ROR2: variants seen among roughly 807,000 people sequenced by gnomAD.
ROR2 encodes ROR family WNT receptor 2.
ROR2 carries 33 observed loss-of-function variants against 74.9 expected under a neutral mutation model. That is an observed-to-expected ratio of 0.44 (90% CI 0.33 to 0.59). ROR2 has a LOEUF of 0.59. ROR2 is among the 20% of genes least tolerant of loss of function. The pLI, the probability that ROR2 is intolerant of heterozygous loss-of-function variation, is 0.02. For synonymous variants in ROR2, 586 were observed against 558.7 expected (o/e 1.05, Z -0.69); for missense variants, 1,216 against 1,313.8 (o/e 0.93, Z 1.15).
intron 1 of ROR2, among the ~76,000 whole-genome samples, chr9:91,823,398 C>T (rs188940931): frequency 4.3e-4 from 65 of 150,512 alleles, no homozygotes; most frequent in Non-Finnish European, 6.5e-4. Flanking sequence ...GACATGATCT[C>T]GGCCCACTGC....
At chr9:91,800,399 T>C (rs7029814) in intron 1 of ROR2, among the ~76,000 whole-genome samples, 76,262 of 151,432 alleles carry the variant, frequency 0.5, 23,485 homozygotes, top group African/African-American at 0.86. Flanking sequence ...CTGTCATCTG[T>C]GGTGTACTGC....
chr9:91,832,717 C>A (rs985353292), intron 1 of ROR2, among the ~76,000 whole-genome samples: 1 of 152,206 alleles, frequency 6.6e-6, no homozygotes, highest in South Asian at 2.1e-4. Flanking sequence ...ACCCAACAAC[C>A]AAGTAAGTCG....
chr9:91,802,477 G>C (rs982726989), intron 1 of ROR2, among the ~76,000 whole-genome samples: 6 of 152,110 alleles, frequency 3.9e-5, no homozygotes, highest in Non-Finnish European at 8.8e-5. Flanking sequence ...CAGGGAAAAG[G>C]AGCGACTTCC....
intron 1 of ROR2, among the ~76,000 whole-genome samples, chr9:91,901,879 CTG>C (rs1341383425): frequency 6.6e-6 from 1 of 151,310 alleles, no homozygotes; most frequent in Non-Finnish European, 1.5e-5. Context: ...TCCATAGCTA[CTG>C]TGTGAGGAAA....
intron 1 of ROR2, among the ~76,000 whole-genome samples, chr9:91,837,203 G>A (rs541291732): frequency 6.6e-6 from 1 of 152,118 alleles, no homozygotes; most frequent in African/African-American, 2.4e-5. Flanking sequence ...GCCCAAGCGA[G>A]TGCAGTGGCG....
intron 1 of ROR2, among the ~76,000 whole-genome samples, chr9:91,832,635 C>T (rs916426735): frequency 9.9e-5 from 15 of 152,200 alleles, no homozygotes; most frequent in African/African-American, 3.4e-4. Context: ...GGACAGTAGC[C>T]TCAGCGGTGC....
chr9:91,774,008 T>C (rs1321997868), intron 2 of ROR2, among the ~76,000 whole-genome samples: 1 of 152,220 alleles, frequency 6.6e-6, no homozygotes, highest in East Asian at 1.9e-4. Context: ...AGCCAACACG[T>C]CCTAGGATCT....
intron 1 of ROR2, among the ~76,000 whole-genome samples, chr9:91,836,216 C>T (rs1828606561): frequency 6.6e-6 from 1 of 152,156 alleles, no homozygotes; most frequent in Non-Finnish European, 1.5e-5. Context: ...TGTCGTATGG[C>T]ACTTTGTCCT....
chr9:91,781,992 A>G (rs535576101), intron 1 of ROR2, among the ~76,000 whole-genome samples: 1 of 152,362 alleles, frequency 6.6e-6, no homozygotes, highest in African/African-American at 2.4e-5. Context: ...GGCCAAAGGA[A>G]TATTTAGGTG....
chr9:91,937,029 C>CA lies in ROR2; in HGVS notation c.97+12837dup, dbSNP rs540672189. On this transcript the variant is annotated intron_variant, in intron 1 of 8. Coordinates refer to ENST00000375708, the MANE Select transcript of ROR2 (RefSeq NM_004560.4). ...TGGGCGACAGAGCGAGACTCCGTCT[C>CA]AAAAAAAAAAAAAAAAAAGATTTCC... 9.5e-3 allele frequency among the ~76,000 whole-genome samples: 619 copies of CA among 65,472 alleles called. 37 individuals carry two copies. Among genetic ancestry groups the CA allele is most frequent in the African/African-American group, 0.021 (341 of 16,360 alleles). 43.0% of individuals were successfully genotyped at this position (65,472 alleles called of 152,430 possible).
chr9:91,743,619 G>A (rs1825316243), intron 4 of ROR2, among the ~76,000 whole-genome samples: 1 of 151,970 alleles, frequency 6.6e-6, no homozygotes, highest in Admixed American at 6.6e-5. Flanking sequence ...CATCACAAGA[G>A]TATCTAACAA....
chr9:91,834,386 G>A (rs1470750692), intron 1 of ROR2, among the ~76,000 whole-genome samples: 1 of 152,214 alleles, frequency 6.6e-6, no homozygotes, highest in Admixed American at 6.5e-5. Context: ...CCTGCTGGAG[G>A]ACAACCATGT....
rs113035904 is a variant in ROR2, at chr9:91,827,008, T to C, written c.98-51190A>G. 2.9e-3 allele frequency among the ~76,000 whole-genome samples: 445 copies of C among 152,256 alleles called. 4 individuals carry two copies. The highest frequency in any genetic ancestry group is 9.6e-3 in the African/African-American group (398 of 41,560). ...GCCATATGTTTACCAGACAAGACCATTATTAAAGCATTGACGCATGGCCTT... is the reference window on the plus strand; with the variant it reads ...GCCATATGTTTACCAGACAAGACCACTATTAAAGCATTGACGCATGGCCTT... On this transcript the variant is annotated intron_variant, in intron 1 of 8. Transcript: ENST00000375708.
At chr9:91,888,555 A>C (rs1429236857) in intron 1 of ROR2, among the ~76,000 whole-genome samples, 2 of 152,112 alleles carry the variant, frequency 1.3e-5, no homozygotes, top group African/African-American at 4.8e-5. Flanking sequence ...TGTCCTACCC[A>C]GGAACAAGTG....
chr9:91,892,553 T>TCAGA (rs962891502), intron 1 of ROR2, among the ~76,000 whole-genome samples: 33 of 151,738 alleles, frequency 2.2e-4, no homozygotes, highest in Middle Eastern at 6.8e-3. Flanking sequence ...TTATTTTACC[T>TCAGA]CAGAATGGCA....
Position 91,903,474 on chromosome 9 carries a change from C to CT in ROR2, c.97+46392dup, listed in dbSNP as rs377693295. 4.6e-3 allele frequency among the ~76,000 whole-genome samples: 682 copies of CT among 149,682 alleles called. 8 individuals carry two copies. The highest frequency in any genetic ancestry group is 0.016 in the African/African-American group (642 of 40,886). ...GCCCCAAGAAGTCGATTCGTTGTGT[C>CT]TTTTTTTTTTCTCCTCAAGTCAAAA... On this transcript the variant is annotated intron_variant, in intron 1 of 8. Transcript: ENST00000375708.
At chr9:91,859,812 G>A (rs1265735628) in intron 1 of ROR2, among the ~76,000 whole-genome samples, 1 of 152,112 alleles carries the variant, frequency 6.6e-6, no homozygotes, top group Non-Finnish European at 1.5e-5. Context: ...GCAACAGAGT[G>A]AGGCTCCGTC....
chr9:91,807,424 C>T (rs1827604108), intron 1 of ROR2, among the ~76,000 whole-genome samples: 1 of 152,248 alleles, frequency 6.6e-6, no homozygotes, highest in South Asian at 2.1e-4. Context: ...GGCTGTTCAT[C>T]TGGATCCTTT....
At chr9:91,828,003 G>T (rs996722464) in intron 1 of ROR2, among the ~76,000 whole-genome samples, 5 of 152,140 alleles carry the variant, frequency 3.3e-5, no homozygotes, top group African/African-American at 9.7e-5. Flanking sequence ...ATTTTCTTTG[G>T]CATTTGCCAT....
Sources: gnomAD v4.1 joint callset for allele counts (sites outside exome capture counted in the v4.1 genomes callset) on GRCh38, gnomAD v4.1.1 for gene constraint, MANE v1.5 for transcripts, NCBI Gene and HGNC (gene_info 2026-07-23, HGNC 2026-07-21) for gene names.